RAD54L2: variants seen among roughly 807,000 people sequenced by gnomAD.
RAD54L2 encodes the protein RAD54 like 2.
In RAD54L2, 27 loss-of-function variants were observed where a neutral mutation model predicts 138.4. The observed-to-expected ratio is 0.20, with a 90% CI of 0.14 to 0.27. The LOEUF (loss-of-function observed/expected upper bound fraction) is 0.27, where lower values mean the gene tolerates loss of function less well. Ranked by LOEUF, RAD54L2 falls within the 10% of genes least tolerant of loss-of-function variation. The probability of loss-of-function intolerance (pLI) is 1.00; values close to 1 mark genes in which losing one functional copy is unlikely to be tolerated. For synonymous variants in RAD54L2, 644 were observed against 723.2 expected, an observed-to-expected ratio of 0.89 and a Z score of 1.76; for missense variants, 1,396 against 1,890.2, an observed-to-expected ratio of 0.74 and a Z score of 4.85.
chr3:51,644,712 A>G (rs1036778931), intron 16 of RAD54L2, among the ~76,000 whole-genome samples: 3 of 152,172 alleles, frequency 2.0e-5, no homozygotes, highest in Non-Finnish European at 4.4e-5. Flanking sequence ...AAATAGTGGA[A>G]ACATCTGTGT....
chr3:51,542,589 G>C (rs1177595282), intron 2 of RAD54L2, among the ~76,000 whole-genome samples: 1 of 151,886 alleles, frequency 6.6e-6, no homozygotes, highest in Admixed American at 6.6e-5. Flanking sequence ...CAGGCCTCCC[G>C]AGTAGCTGGG....
intron 1 of RAD54L2, among the ~76,000 whole-genome samples, chr3:51,539,165 G>T (rs1192081387): frequency 2.6e-5 from 4 of 152,238 alleles, no homozygotes; most frequent in Admixed American, 2.6e-4. Context: ...TTCGTAGCCG[G>T]GGAAGGGAGT....
rs550445735 is a variant in RAD54L2, at chr3:51,549,339, G to A, written c.-55+7689G>A. 1.1e-4 allele frequency among the ~76,000 whole-genome samples: 16 copies of A among 152,244 alleles called. No homozygotes were observed. In the South Asian group the frequency reaches 3.3e-3, roughly 32 times the overall value. On this transcript the variant is annotated intron_variant, in intron 2 of 22. Coordinates refer to ENST00000684192, the MANE Select transcript of RAD54L2 (RefSeq NM_015106.4). Reference sequence around the variant, plus strand: ...AAGAGCTGGCTGCTGGAGGAACCTAGAGAGCTCTACTCTCTTTACAGATTG... The same window carrying A: ...AAGAGCTGGCTGCTGGAGGAACCTAAAGAGCTCTACTCTCTTTACAGATTG...
At chr3:51,575,537 G>A (rs1225645998) in intron 2 of RAD54L2, among the ~76,000 whole-genome samples, 1 of 152,148 alleles carries the variant, frequency 6.6e-6, no homozygotes, top group African/African-American at 2.4e-5. Context: ...GCAGTGGTTT[G>A]TAGTTCTCCT....
In RAD54L2 at chr3:51,667,888, C is replaced by T. The variant is rs1365690655; in HGVS notation, c.*4468C>T. 6.6e-6 allele frequency: 1 copy of T among 152,176 alleles called. No homozygotes were observed. Among genetic ancestry groups the T allele is most frequent in the African/African-American group, 2.4e-5 (1 of 41,428 alleles). 9.4% of individuals were successfully genotyped at this position (152,176 alleles called of 1,614,324 possible). A position where few individuals can be genotyped will look rare whatever the true frequency, so the allele number is the denominator to read the frequency against. Reference sequence around the variant, plus strand: ...CTTTCCCTTTTGCAGGTCTATTTGACATAGTAATCTAGTGTGTTGGGGAGG... The same window carrying T: ...CTTTCCCTTTTGCAGGTCTATTTGATATAGTAATCTAGTGTGTTGGGGAGG... On this transcript the variant is annotated 3_prime_UTR_variant, in exon 23 of 23. Transcript: ENST00000684192.
At chr3:51,567,941 CAAAAAAAA>C (rs763939768) in intron 2 of RAD54L2, among the ~76,000 whole-genome samples, 2 of 81,682 alleles carry the variant, frequency 2.4e-5, no homozygotes. Flanking sequence ...GACCCTGTCT[CAAAAAAAA>C]AAAAAAAAAA....
At chr3:51,592,516 C>T (rs1699860640) in intron 3 of RAD54L2, among the ~76,000 whole-genome samples, 1 of 151,974 alleles carries the variant, frequency 6.6e-6, no homozygotes. Flanking sequence ...TATTTCACTA[C>T]AGTGTTAGAG....
Position 51,663,985 on chromosome 3 carries a change from G to A in RAD54L2, c.*565G>A, listed in dbSNP as rs181874253. 6.5e-6 allele frequency: 1 copy of A among 152,976 alleles called. No homozygotes were observed. The highest frequency in any genetic ancestry group is 2.4e-5 in the African/African-American group (1 of 41,224). 9.5% of individuals were successfully genotyped at this position (152,976 alleles called of 1,614,324 possible). ...GTGTATGTTTATTTTGTATGTGTAT[G>A]TATGGAACAGAGCAGGGGTGAAGGT... is the stretch of plus-strand genomic sequence containing the variant. On this transcript the variant is annotated 3_prime_UTR_variant, in exon 23 of 23. Coordinates refer to ENST00000684192, the MANE Select transcript of RAD54L2 (RefSeq NM_015106.4).
In RAD54L2 at chr3:51,635,589, G is replaced by T. The variant is rs1162981863; in HGVS notation, c.1143-4G>T. The stretch of plus-strand genomic sequence containing the variant: ...TCACACAATTTTCTCTGTTCATCTT[G>T]CAGGACGATGGCATCTCGTGCTAAA... On this transcript the variant is annotated splice_region_variant and splice_polypyrimidine_tract_variant and intron_variant, in intron 9 of 22. Coordinates refer to ENST00000684192, the MANE Select transcript of RAD54L2 (RefSeq NM_015106.4). 2 of 1,594,612 alleles carry T rather than the reference G, an allele frequency of 1.3e-6. No homozygotes were observed. The highest frequency in any genetic ancestry group is 4.5e-5 in the East Asian group (2 of 44,348).
At chr3:51,616,000 T>A (rs2106769072) in intron 3 of RAD54L2, among the ~76,000 whole-genome samples, 1 of 152,300 alleles carries the variant, frequency 6.6e-6, no homozygotes, top group Admixed American at 6.5e-5. Context: ...AAAAGTTTTT[T>A]AAAATTGATG....
intron 18 of RAD54L2, 41 bp from the exon 19 acceptor site, chr3:51,646,244 G>A: frequency 6.6e-7 from 1 of 1,523,756 alleles, no homozygotes; most frequent in Non-Finnish European, 8.9e-7. Flanking sequence ...TTATCTATCA[G>A]CCATGTTGGT....
At chr3:51,569,572 C>T (rs897313356) in intron 2 of RAD54L2, among the ~76,000 whole-genome samples, 1 of 151,970 alleles carries the variant, frequency 6.6e-6, no homozygotes, top group African/African-American at 2.4e-5. Context: ...TTAGTAGAGA[C>T]TGGGTTTTAC....
rs140815407 is a variant in RAD54L2, at chr3:51,589,603, A to G, written c.-54-764A>G. 2.6e-4 allele frequency among the ~76,000 whole-genome samples: 39 copies of G among 151,940 alleles called. No homozygotes were observed. In the East Asian group the frequency reaches 7.6e-3, roughly 29 times the overall value. On this transcript the variant is annotated intron_variant, in intron 2 of 22. Transcript: ENST00000684192. The stretch of plus-strand genomic sequence containing the variant: ...ATTTAAAATTTGAAGCACAGTTTCT[A>G]CTGAATGTGTGTCATTTTCGCACAA...
intron 3 of RAD54L2, among the ~76,000 whole-genome samples, chr3:51,616,165 T>TA (rs1700437078): frequency 6.6e-6 from 1 of 152,188 alleles, no homozygotes; most frequent in Non-Finnish European, 1.5e-5. Flanking sequence ...TATTTTGAAA[T>TA]AATACAGTAG....
rs549713429 is a variant in RAD54L2, at chr3:51,632,316, C to T, written c.826-1261C>T. 2.6e-5 allele frequency among the ~76,000 whole-genome samples: 4 copies of T among 152,048 alleles called. No homozygotes were observed. In the South Asian group the frequency reaches 6.2e-4, roughly 24 times the overall value. ...GTTGTTGTTGTTGTTGTTGTTGAGA[C>T]GAAGTCTCACTCTGTAGCCCAGGCT... On this transcript the variant is annotated intron_variant, in intron 7 of 22. Transcript: ENST00000684192.
In RAD54L2 at chr3:51,630,769, C is replaced by T. The variant is rs1559643623; in HGVS notation, c.663C>T (p.Val221=). 7 of 1,613,994 alleles carry T rather than the reference C, an allele frequency of 4.3e-6. No individual in the cohort carries two copies. Among genetic ancestry groups the T allele is most frequent in the Non-Finnish European group, 5.1e-6 (6 of 1,179,880 alleles). Residue 221 remains valine (V), a synonymous_variant, in exon 7 of 23, where the codon GTC becomes GTT. Coordinates refer to ENST00000684192, the MANE Select transcript of RAD54L2 (RefSeq NM_015106.4). ...ACATTGTGGACAGCAGTGAATCTGT[C>T]AGTGAAGATGATGAGGAAGAAGAGA... is the stretch of plus-strand genomic sequence containing the variant. ...TLHIVDSSES[V]SEDDEEEEKG...
At chr3:51,641,317 C>CTTTT (rs1377445107) in intron 14 of RAD54L2, among the ~76,000 whole-genome samples, 1 of 129,676 alleles carries the variant, frequency 7.7e-6, no homozygotes, top group Admixed American at 7.8e-5. Context: ...GAGTTACCCC[C>CTTTT]TTTTTTTTTT....
intron 3 of RAD54L2, among the ~76,000 whole-genome samples, chr3:51,613,720 A>AT (rs1700383980): frequency 6.6e-6 from 1 of 150,592 alleles, no homozygotes; most frequent in Non-Finnish European, 1.5e-5. Context: ...AGCTGAGATC[A>AT]TGCCACTGCA....
rs1392018813 is a variant in RAD54L2 at position 51,660,064 on chromosome 3, G to C, written c.3355G>C (p.Val1119Leu). Residue 1119 changes from valine to leucine, a missense_variant, in exon 22 of 23, where the codon GTC becomes CTC. Transcript: ENST00000684192. ...TACCAGTGATGGACGGATCTTTGCT[G>C]TCCGGGCAACTGGCAAACCAAAGGT... Reference protein sequence around the residue: ...IRTSDGRIFAVRATGKPKVPE... With the variant: ...IRTSDGRIFALRATGKPKVPE... 19 of 1,599,934 alleles carry C rather than the reference G, an allele frequency of 1.2e-5. No individual in the cohort carries two copies. Among genetic ancestry groups the C allele is most frequent in the Non-Finnish European group, 1.6e-5 (19 of 1,168,432 alleles).
Sources: allele counts gnomAD v4.1 joint callset (sites outside exome capture counted in the v4.1 genomes callset), GRCh38; gene constraint gnomAD v4.1.1; transcripts MANE v1.5; gene names NCBI Gene and HGNC (gene_info 2026-07-23, HGNC 2026-07-21).